The following KCNC1 variants were observed in gnomAD, a reference collection of about 807,000 sequenced individuals.
KCNC1 encodes potassium voltage-gated channel subfamily C member 1, also known as voltage-gated potassium channel KCNC1.
A neutral mutation model predicts 43.4 loss-of-function variants in KCNC1; 8 were observed. That is an observed-to-expected ratio of 0.18 (90% CI 0.11 to 0.33). The LOEUF (loss-of-function observed/expected upper bound fraction) is 0.33, where lower values mean the gene tolerates loss of function less well. Ranked by LOEUF, KCNC1 falls within the 10% of genes least tolerant of loss-of-function variation. The probability of loss-of-function intolerance (pLI) is 1.00; values close to 1 mark genes in which losing one functional copy is unlikely to be tolerated. For missense variants in KCNC1, 420 were observed against 836.0 expected (o/e 0.50, Z 6.14); for synonymous variants, 361 against 360.5 (o/e 1.00, Z -0.01).
At chr11:17,768,868 AG>A (rs1472955928) in intron 1 of KCNC1, among the ~76,000 whole-genome samples, 1 of 152,168 alleles carries the variant, frequency 6.6e-6, no homozygotes, top group East Asian at 1.9e-4. Flanking sequence ...GCGGCCTTCT[AG>A]GGGGGATCTG....
intron 1 of KCNC1, among the ~76,000 whole-genome samples, chr11:17,756,530 C>G (rs1849024386): frequency 6.9e-6 from 1 of 145,628 alleles, no homozygotes; most frequent in East Asian, 2.0e-4. Flanking sequence ...AACACACACA[C>G]ACACACACAC....
At chr11:17,764,120 C>G (rs925490397) in intron 1 of KCNC1, among the ~76,000 whole-genome samples, 37 of 141,958 alleles carry the variant, frequency 2.6e-4, no homozygotes, top group African/African-American at 9.8e-4. Flanking sequence ...CACACGTCTC[C>G]ATAGACACAC....
chr11:17,780,713 G>C (rs1849336334), intron 3 of KCNC1: 1 of 152,368 alleles, frequency 6.6e-6, no homozygotes, highest in African/African-American at 2.4e-5. Flanking sequence ...ACACGCAGGA[G>C]AAAACAGAAT....
chr11:17,764,115 G>A (rs1242794800), intron 1 of KCNC1, among the ~76,000 whole-genome samples: 3 of 91,454 alleles, frequency 3.3e-5, no homozygotes, highest in Non-Finnish European at 6.1e-5. Context: ...ACCACCACAC[G>A]TCTCCATAGA....
At chr11:17,747,262 G>A (rs1848911074) in intron 1 of KCNC1, among the ~76,000 whole-genome samples, 1 of 152,154 alleles carries the variant, frequency 6.6e-6, no homozygotes, top group South Asian at 2.1e-4. Flanking sequence ...ACCCCTGTGA[G>A]CCTCGGTCTC....
At chr11:17,780,710 G>C (rs1403112306) in intron 3 of KCNC1, 1 of 152,338 alleles carries the variant, frequency 6.6e-6, no homozygotes, top group Non-Finnish European at 1.5e-5. Context: ...ACCACACGCA[G>C]GAGAAAACAG....
intron 1 of KCNC1, among the ~76,000 whole-genome samples, chr11:17,760,592 A>G (rs1479424728): frequency 6.6e-6 from 1 of 152,188 alleles, no homozygotes; most frequent in Non-Finnish European, 1.5e-5. Context: ...ACACTCCCTA[A>G]GGCCTCCCCT....
chr11:17,768,316 C>T (rs868470098), intron 1 of KCNC1, among the ~76,000 whole-genome samples: 3 of 152,162 alleles, frequency 2.0e-5, no homozygotes, highest in African/African-American at 2.4e-5. Context: ...TACAAAACCA[C>T]GGAGGTGGGG....
In KCNC1 at chr11:17,753,109, G is replaced by A. The variant is rs987683537; in HGVS notation, c.570+16537G>A. 7.9e-5 allele frequency among the ~76,000 whole-genome samples: 12 copies of A among 152,246 alleles called. 1 individual carries two copies. The highest frequency in any genetic ancestry group is 2.1e-4 in the South Asian group (1 of 4,830). On this transcript the variant is annotated intron_variant, in intron 1 of 3. Coordinates refer to ENST00000265969, the MANE Select transcript of KCNC1 (RefSeq NM_001112741.2). ...CAGGCTGTGTCTCCGATAAGATCTA[G>A]ATGTTCTTGTGGGTAACACAGGGAT...
chr11:17,737,532 T>C lies in KCNC1; in HGVS notation c.570+960T>C, dbSNP rs1848782574. 2.6e-5 allele frequency among the ~76,000 whole-genome samples: 4 copies of C among 151,976 alleles called. No homozygotes were observed. In the South Asian group the frequency reaches 6.2e-4, roughly 24 times the overall value. On this transcript the variant is annotated intron_variant, in intron 1 of 3. Transcript: ENST00000265969. Reference sequence around the variant, plus strand: ...CTCTCTGGATCAGTTTCCTTATCTGTAAAATGGGGGAGGGGGCCTGGTGAA... The same window carrying C: ...CTCTCTGGATCAGTTTCCTTATCTGCAAAATGGGGGAGGGGGCCTGGTGAA...
In KCNC1 at chr11:17,773,915, G is replaced by C; in HGVS notation, c.1504+1317G>C. Reference sequence around the variant, plus strand: ...AGGTCTGGCAGGAGGCTGCTGGCTAGCTCAGCCCCAGGTGGGGAAGTTTCC... The same window carrying C: ...AGGTCTGGCAGGAGGCTGCTGGCTACCTCAGCCCCAGGTGGGGAAGTTTCC... On this transcript the variant is annotated intron_variant, in intron 2 of 3. Transcript: ENST00000265969. The surrounding 1 kb of genome is among the most constrained non-coding windows in gnomAD (Gnocchi z 4.1). 1 of 985,490 alleles carries C rather than the reference G, an allele frequency of 1.0e-6. No individual in the cohort carries two copies. Among genetic ancestry groups the C allele is most frequent in the Non-Finnish European group, 1.2e-6 (1 of 829,968 alleles). The allele number at this position is 985,490 out of a possible 1,614,324, so 61.0% of individuals were successfully genotyped here.
chr11:17,777,137 C>T lies in KCNC1; in HGVS notation c.1505-2319C>T, dbSNP rs1166258728. Reference sequence around the variant, plus strand: ...CTTTAGTGATTGTGAGAGCTGGGAGCCCCCAGGGCCTGGGGGCTTGTGGAC... The same window carrying T: ...CTTTAGTGATTGTGAGAGCTGGGAGTCCCCAGGGCCTGGGGGCTTGTGGAC... On this transcript the variant is annotated intron_variant, in intron 2 of 3. Coordinates refer to ENST00000265969, the MANE Select transcript of KCNC1 (RefSeq NM_001112741.2). The surrounding 1 kb of genome is among the most constrained non-coding windows in gnomAD (Gnocchi z 4.3). 2 of 984,148 alleles carry T rather than the reference C, an allele frequency of 2.0e-6. No homozygotes were observed. The highest frequency in any genetic ancestry group is 1.8e-5 in the African/African-American group (1 of 56,810). The allele number at this position is 984,148 out of a possible 1,614,324, so 61.0% of individuals were successfully genotyped here. A position where few individuals can be genotyped will look rare whatever the true frequency, so the allele number is the denominator to read the frequency against.
At chr11:17,750,003 G>A (rs1282849685) in intron 1 of KCNC1, among the ~76,000 whole-genome samples, 1 of 152,060 alleles carries the variant, frequency 6.6e-6, no homozygotes, top group Non-Finnish European at 1.5e-5. Flanking sequence ...AGTGTAGGGA[G>A]GGGACAGGCT....
intron 1 of KCNC1, among the ~76,000 whole-genome samples, chr11:17,743,534 A>T (rs1268588054): frequency 1.3e-5 from 2 of 152,148 alleles, no homozygotes; most frequent in Non-Finnish European, 2.9e-5. Flanking sequence ...CAGTGCCTCA[A>T]TTGTCCCCCC....
At chr11:17,758,610 T>C (rs1009888976) in intron 1 of KCNC1, among the ~76,000 whole-genome samples, 1 of 152,224 alleles carries the variant, frequency 6.6e-6, no homozygotes, top group Non-Finnish European at 1.5e-5. Flanking sequence ...GGCTTCAGAA[T>C]GGGTGCTGAG....
rs1340966234 is a variant in KCNC1 at position 17,779,282 on chromosome 11, AC to A, written c.1505-168del. The A allele has an allele frequency of 1.1e-5, 6 of 557,546 alleles. No homozygotes were observed. The highest frequency in any genetic ancestry group is 7.6e-5 in the African/African-American group (4 of 52,484). 34.5% of individuals were successfully genotyped at this position (557,546 alleles called of 1,614,324 possible). A position where few individuals can be genotyped will look rare whatever the true frequency, so the allele number is the denominator to read the frequency against. The stretch of plus-strand genomic sequence containing the variant: ...CCCGAAGGCTGCCTGAATGAGCTGA[AC>A]CCCCCACCAAGCCCCCTGCCTTGTG... On this transcript the variant is annotated intron_variant, in intron 2 of 3. Coordinates refer to ENST00000265969, the MANE Select transcript of KCNC1 (RefSeq NM_001112741.2). This position sits in a 1 kb window ranked among gnomAD's most constrained non-coding sequence, Gnocchi z 7.2.
chr11:17,767,934 A>G (rs1849172978), intron 1 of KCNC1, among the ~76,000 whole-genome samples: 1 of 152,206 alleles, frequency 6.6e-6, no homozygotes, highest in Non-Finnish European at 1.5e-5. Flanking sequence ...AAGACTTTTT[A>G]CCATAATCTT....
rs991751914 is a variant in KCNC1 at position 17,771,829 on chromosome 11, T to C, written c.735T>C (p.Leu245=). The part of the protein sequence containing the change: ...YYREAETEAF[L]TYIEGVCVVW... ...GGGAGGCCGAGACGGAGGCCTTCCT[T>C]ACCTACATCGAGGGCGTCTGTGTGG... The change falls in exon 2 of 4, where the codon CTT becomes CTC. Residue 245 remains leucine (L), a synonymous_variant. Coordinates refer to ENST00000265969, the MANE Select transcript of KCNC1 (RefSeq NM_001112741.2). This position sits in a 1 kb window ranked among gnomAD's most constrained non-coding sequence, Gnocchi z 4.7. The C allele has an allele frequency of 6.2e-7, 1 of 1,614,218 alleles. No homozygotes were observed. Among genetic ancestry groups the C allele is most frequent in the Non-Finnish European group, 8.5e-7 (1 of 1,180,000 alleles).
chr11:17,776,080 G>A lies in KCNC1; in HGVS notation c.1505-3376G>A. The A allele has an allele frequency of 1.0e-6, 1 of 985,484 alleles. No individual in the cohort carries two copies. The highest frequency in any genetic ancestry group is 1.2e-6 in the Non-Finnish European group (1 of 829,990). 61.0% of individuals were successfully genotyped at this position (985,484 alleles called of 1,614,324 possible). A position where few individuals can be genotyped will look rare whatever the true frequency, so the allele number is the denominator to read the frequency against. On this transcript the variant is annotated intron_variant, in intron 2 of 3. Coordinates refer to ENST00000265969, the MANE Select transcript of KCNC1 (RefSeq NM_001112741.2). This position sits in a 1 kb window ranked among gnomAD's most constrained non-coding sequence, Gnocchi z 4.4. ...GCAGGGTCAGCAGCCTGTGGGCCCT[G>A]AGTGGGGTCTTTGTTGTCCTCAGGT...
Sources: gnomAD v4.1 joint callset for allele counts (sites outside exome capture counted in the v4.1 genomes callset) on GRCh38, gnomAD v4.1.1 for gene constraint, Gnocchi (gnomAD v3.1) non-coding constraint, MANE v1.5 for transcripts, NCBI Gene and HGNC (gene_info 2026-07-23, HGNC 2026-07-21) for gene names.